RALYL: variants seen among roughly 807,000 people sequenced by gnomAD.
RALYL encodes the protein RALY RNA binding protein like, also known as RNA-binding Raly-like protein.
In RALYL, 29 loss-of-function variants were observed where a neutral mutation model predicts 35.1. The ratio of observed to expected loss-of-function variants is 0.83; its 90% CI spans 0.61 to 1.13. The LOEUF (loss-of-function observed/expected upper bound fraction) is 1.13, where lower values mean the gene tolerates loss of function less well. Ranked by LOEUF, RALYL falls within the 50% of genes most tolerant of loss-of-function variation. The pLI is 0.00. For synonymous variants in RALYL, 120 were observed against 127.6 expected (o/e 0.94, Z 0.40); for missense variants, 359 against 360.4 (o/e 1.00, Z 0.03).
intron 1 of RALYL, among the ~76,000 whole-genome samples, chr8:84,311,356 A>C (rs923890050): frequency 1.3e-5 from 2 of 152,050 alleles, no homozygotes; most frequent in African/African-American, 4.8e-5. Flanking sequence ...TATCTTATCC[A>C]ATAATGATGA....
intron 1 of RALYL, among the ~76,000 whole-genome samples, chr8:84,338,369 GA>G (rs2130837888): frequency 6.6e-6 from 1 of 150,744 alleles, no homozygotes; most frequent in East Asian, 2.0e-4. Context: ...CATAGAATAA[GA>G]ATTGTCCGAA....
chr8:84,664,193 C>T (rs1831475467), intron 2 of RALYL, among the ~76,000 whole-genome samples: 1 of 149,074 alleles, frequency 6.7e-6, no homozygotes, highest in African/African-American at 2.5e-5. Context: ...GTACCAGCAC[C>T]ATGCTGCTTT....
intron 3 of RALYL, among the ~76,000 whole-genome samples, chr8:84,801,127 A>T (rs535464202): frequency 6.6e-6 from 1 of 152,282 alleles, no homozygotes; most frequent in Non-Finnish European, 1.5e-5. Flanking sequence ...AACACGGGCC[A>T]GTTGTCTCTC....
intron 1 of RALYL, among the ~76,000 whole-genome samples, chr8:84,357,976 G>A (rs1852206835): frequency 6.6e-6 from 1 of 151,538 alleles, no homozygotes; most frequent in Non-Finnish European, 1.5e-5. Flanking sequence ...TCTTTATGAT[G>A]TGGTTCGCCA....
intron 2 of RALYL, among the ~76,000 whole-genome samples, chr8:84,663,048 T>C (rs1446312051): frequency 2.0e-5 from 3 of 152,124 alleles, no homozygotes; most frequent in East Asian, 1.9e-4. Flanking sequence ...GTGTTTTCAT[T>C]GTACAGCTCC....
intron 1 of RALYL, among the ~76,000 whole-genome samples, chr8:84,394,840 C>T (rs7835302): frequency 0.028 from 4,311 of 151,946 alleles, 200 homozygotes; most frequent in African/African-American, 0.098. Context: ...TTCTTACAAG[C>T]TCACATAAAA....
chr8:84,299,239 GT>G (rs1430044700), intron 1 of RALYL, among the ~76,000 whole-genome samples: 2 of 151,774 alleles, frequency 1.3e-5, no homozygotes, highest in African/African-American at 4.8e-5. Flanking sequence ...GAGGTTTTTG[GT>G]TTTAATTCTG....
At chr8:84,796,853 C>T (rs1563624143) in intron 3 of RALYL, among the ~76,000 whole-genome samples, 1 of 152,182 alleles carries the variant, frequency 6.6e-6, no homozygotes. Context: ...CACCATCATA[C>T]CCAGTGTGGG....
At chr8:84,764,545 A>G (rs1244373279) in intron 2 of RALYL, among the ~76,000 whole-genome samples, 1 of 152,240 alleles carries the variant, frequency 6.6e-6, no homozygotes, top group Non-Finnish European at 1.5e-5. Context: ...CCAAATAACT[A>G]GTAAGAAGTT....
At chr8:84,801,236 C>G (rs1044395357) in intron 3 of RALYL, among the ~76,000 whole-genome samples, 1 of 152,138 alleles carries the variant, frequency 6.6e-6, no homozygotes, top group Admixed American at 6.6e-5. Context: ...TATTTCACCA[C>G]AGAAGACACT....
chr8:84,845,024 C>T (rs186742868), intron 4 of RALYL, among the ~76,000 whole-genome samples: 8 of 151,928 alleles, frequency 5.3e-5, no homozygotes, highest in East Asian at 1.9e-4. Context: ...TGTTAAATGA[C>T]GAGTTAATGG....
chr8:84,827,902 A>AGAT (rs1312461557), intron 4 of RALYL, among the ~76,000 whole-genome samples: 1 of 152,112 alleles, frequency 6.6e-6, no homozygotes, highest in Non-Finnish European at 1.5e-5. Flanking sequence ...TATATTTCAC[A>AGAT]GATAAGCCAC....
At chr8:84,559,761 C>G (rs151158798) in intron 2 of RALYL, among the ~76,000 whole-genome samples, 4 of 152,042 alleles carry the variant, frequency 2.6e-5, no homozygotes, top group African/African-American at 9.6e-5. Context: ...TTAGACATCT[C>G]AGGATATGAC....
At chr8:84,470,241 G>C (rs2052533564) in intron 1 of RALYL, among the ~76,000 whole-genome samples, 1 of 152,098 alleles carries the variant, frequency 6.6e-6, no homozygotes, top group African/African-American at 2.4e-5. Context: ...ATAGAATATA[G>C]AGGCAATAAC....
intron 1 of RALYL, among the ~76,000 whole-genome samples, chr8:84,290,094 A>C (rs1439814757): frequency 6.6e-6 from 1 of 152,214 alleles, no homozygotes; most frequent in African/African-American, 2.4e-5. Context: ...TGTTGGAGAA[A>C]GGAAAGTAAA....
At chr8:84,677,407 C>A (rs1415439282) in intron 2 of RALYL, among the ~76,000 whole-genome samples, 1 of 151,962 alleles carries the variant, frequency 6.6e-6, no homozygotes, top group East Asian at 1.9e-4. Context: ...CTACTTATAA[C>A]CTTAAAAGGA....
At chr8:84,649,194 C>T (rs1275197552) in intron 2 of RALYL, among the ~76,000 whole-genome samples, 1 of 151,952 alleles carries the variant, frequency 6.6e-6, no homozygotes, top group African/African-American at 2.4e-5. Flanking sequence ...CTTTAACTTT[C>T]TAAAATTTAT....
intron 1 of RALYL, among the ~76,000 whole-genome samples, chr8:84,238,999 G>A (rs1827254151): frequency 6.6e-6 from 1 of 152,152 alleles, no homozygotes. Context: ...CTGACAAGGA[G>A]GTAAAGACAT....
At chr8:84,338,309 AT>A (rs1398342056) in intron 1 of RALYL, among the ~76,000 whole-genome samples, 1 of 151,986 alleles carries the variant, frequency 6.6e-6, no homozygotes, top group African/African-American at 2.4e-5. Context: ...AATATATTGT[AT>A]TGTTTTTACT....
Sources: allele counts gnomAD v4.1 joint callset (sites outside exome capture counted in the v4.1 genomes callset), GRCh38; gene constraint gnomAD v4.1.1; transcripts MANE v1.5; gene names NCBI Gene and HGNC (gene_info 2026-07-23, HGNC 2026-07-21).